The following PTPRD variants were observed in gnomAD, a reference collection of about 807,000 sequenced individuals.
PTPRD encodes the protein protein tyrosine phosphatase receptor type D, also known as receptor-type tyrosine-protein phosphatase delta.
In PTPRD, 34 loss-of-function variants were observed where a neutral mutation model predicts 214.5. The observed-to-expected ratio is 0.16, with a 90% CI of 0.12 to 0.21. PTPRD has a LOEUF of 0.21. Ranked by LOEUF, PTPRD falls within the 10% of genes least tolerant of loss-of-function variation. PTPRD has a pLI of 1.00. For synonymous variants in PTPRD, 1,128 were observed against 845.7 expected (o/e 1.33, Z -5.79); for missense variants, 2,545 against 2,398.7 (o/e 1.06, Z -1.27).
chr9:10,464,775 A>T (rs1233025721), intron 2 of PTPRD, among the ~76,000 whole-genome samples: 2 of 152,180 alleles, frequency 1.3e-5, no homozygotes, highest in East Asian at 3.8e-4. Context: ...ATTTCAATGT[A>T]ACAACGGTAA....
At chr9:8,351,384 T>C (rs530667573) in intron 39 of PTPRD, among the ~76,000 whole-genome samples, 3 of 151,748 alleles carry the variant, frequency 2.0e-5, no homozygotes, top group South Asian at 2.1e-4. Flanking sequence ...ACTTTCACTT[T>C]AGTTGAAGTA....
intron 35 of PTPRD, among the ~76,000 whole-genome samples, chr9:8,417,685 G>A (rs903948214): frequency 2.0e-5 from 3 of 152,048 alleles, no homozygotes; most frequent in Non-Finnish European, 4.4e-5. Flanking sequence ...ACCTTTTCAA[G>A]TATTCTATTA....
At chr9:10,354,969 T>A (rs2097250408) in intron 2 of PTPRD, among the ~76,000 whole-genome samples, 1 of 152,188 alleles carries the variant, frequency 6.6e-6, no homozygotes, top group African/African-American at 2.4e-5. Context: ...TACATTGTAT[T>A]TGCTAAATAG....
intron 14 of PTPRD, among the ~76,000 whole-genome samples, chr9:8,614,772 T>C (rs1319104912): frequency 1.3e-5 from 2 of 152,124 alleles, no homozygotes; most frequent in African/African-American, 4.8e-5. Flanking sequence ...TCCGGTCACT[T>C]TCAGGAACAA....
chr9:10,566,023 G>C (rs2065491628), intron 2 of PTPRD, among the ~76,000 whole-genome samples: 1 of 151,818 alleles, frequency 6.6e-6, no homozygotes, highest in Non-Finnish European at 1.5e-5. Context: ...TGAGTTTTAT[G>C]TTAATGGAAA....
chr9:9,239,494 G>C (rs544669108), intron 9 of PTPRD, among the ~76,000 whole-genome samples: 1 of 152,182 alleles, frequency 6.6e-6, no homozygotes, highest in Non-Finnish European at 1.5e-5. Context: ...TTAGTCATGA[G>C]AGCAAGAAAA....
intron 7 of PTPRD, among the ~76,000 whole-genome samples, chr9:9,713,177 C>A (rs576040349): frequency 6.6e-6 from 1 of 152,096 alleles, no homozygotes; most frequent in East Asian, 1.9e-4. Context: ...CTTATTTCTG[C>A]CAGAAAACTT....
In PTPRD at chr9:9,792,230, G is replaced by C. The variant is rs879734139; in HGVS notation, c.-367-25379C>G. On this transcript the variant is annotated intron_variant, in intron 5 of 45. Transcript: ENST00000381196. The stretch of plus-strand genomic sequence containing the variant: ...AAACTTTTCCAAATCCACAGTTCCT[G>C]TTAATATTAGTACTGCATGTTATTT... Among the ~76,000 whole-genome samples the C allele has an allele frequency of 6.6e-5, 10 of 151,876 alleles. 1 individual carries two copies. In the East Asian group the frequency reaches 1.9e-3, roughly 29 times the overall value.
chr9:9,042,632 T>TTTTTTTTTA (rs2099644031), intron 10 of PTPRD, among the ~76,000 whole-genome samples: 1 of 149,912 alleles, frequency 6.7e-6, no homozygotes, highest in Non-Finnish European at 1.5e-5. Flanking sequence ...TTTTTTTTTT[T>TTTTTTTTTA]TTGGTCTATT....
chr9:9,630,435 A>C (rs770338024), intron 7 of PTPRD, among the ~76,000 whole-genome samples: 2 of 152,158 alleles, frequency 1.3e-5, no homozygotes, highest in Admixed American at 6.5e-5. Context: ...TACACCTTCT[A>C]CTTCGAGTCC....
intron 4 of PTPRD, among the ~76,000 whole-genome samples, chr9:10,018,617 G>C (rs898011376): frequency 3.1e-5 from 4 of 129,402 alleles, no homozygotes; most frequent in Admixed American, 1.8e-4. Flanking sequence ...GCGGGATCTC[G>C]GCTCACTGCA....
At chr9:10,564,344 C>T (rs962525463) in intron 2 of PTPRD, among the ~76,000 whole-genome samples, 2 of 150,712 alleles carry the variant, frequency 1.3e-5, no homozygotes, top group Admixed American at 6.6e-5. Context: ...TAGACGAAAC[C>T]GTTTTCCAGT....
At chr9:9,358,980 T>C (rs2054937382) in intron 9 of PTPRD, among the ~76,000 whole-genome samples, 2 of 151,298 alleles carry the variant, frequency 1.3e-5, no homozygotes, top group Admixed American at 6.6e-5. Context: ...ATAAAAACTG[T>C]CTCCTTCAGA....
intron 39 of PTPRD, among the ~76,000 whole-genome samples, chr9:8,371,564 C>T (rs1160992348): frequency 6.6e-6 from 1 of 151,970 alleles, no homozygotes; most frequent in Non-Finnish European, 1.5e-5. Context: ...AGAGTTACAA[C>T]TCAAATGTCT....
intron 11 of PTPRD, among the ~76,000 whole-genome samples, chr9:8,778,488 A>G (rs1167263547): frequency 6.6e-6 from 1 of 152,170 alleles, no homozygotes; most frequent in African/African-American, 2.4e-5. Context: ...CTAGCTGCGA[A>G]TCTGCCCAAC....
chr9:8,733,718 C>T (rs2154434632), intron 12 of PTPRD, 62 bp downstream of exon 12: 1 of 1,517,868 alleles, frequency 6.6e-7, no homozygotes, highest in African/African-American at 1.4e-5. Flanking sequence ...AGCCTGGTGC[C>T]AACTGCAAAC....
intron 3 of PTPRD, among the ~76,000 whole-genome samples, chr9:10,184,985 C>A (rs1223506310): frequency 6.6e-6 from 1 of 152,144 alleles, no homozygotes; most frequent in Non-Finnish European, 1.5e-5. Context: ...TTGCCACATT[C>A]ATAACCTTTT....
chr9:10,371,062 C>G (rs1311845859), intron 2 of PTPRD, among the ~76,000 whole-genome samples: 1 of 151,914 alleles, frequency 6.6e-6, no homozygotes, highest in Non-Finnish European at 1.5e-5. Flanking sequence ...GTTTCCCTAT[C>G]CAACCAAATT....
intron 8 of PTPRD, among the ~76,000 whole-genome samples, chr9:9,518,740 G>C (rs1172159636): frequency 6.6e-6 from 1 of 151,796 alleles, no homozygotes; most frequent in East Asian, 1.9e-4. Flanking sequence ...TTAACAGAAT[G>C]GACAAGGCAG....
Sources: allele counts gnomAD v4.1 joint callset (sites outside exome capture counted in the v4.1 genomes callset), GRCh38; gene constraint gnomAD v4.1.1; transcripts MANE v1.5; gene names NCBI Gene and HGNC (gene_info 2026-07-23, HGNC 2026-07-21).